CEP295: variants seen among roughly 807,000 people sequenced by gnomAD.
The protein encoded by CEP295 is centrosomal protein 295, also known as centrosomal protein of 295 kDa.
In CEP295, 190 loss-of-function variants were observed where a neutral mutation model predicts 291.6. That is an observed-to-expected ratio of 0.65 (90% CI 0.58 to 0.73). CEP295 has a LOEUF of 0.73. CEP295 is among the 30% of genes least tolerant of loss of function. The probability of loss-of-function intolerance (pLI) is 0.00; values close to 1 mark genes in which losing one functional copy is unlikely to be tolerated. For missense variants in CEP295, 2,863 were observed against 2,949.4 expected, an observed-to-expected ratio of 0.97 and a Z score of 0.68; for synonymous variants, 993 against 1,038.8, an observed-to-expected ratio of 0.96 and a Z score of 0.85.
rs1389057877 is a variant in CEP295, at chr11:93,702,922, A to G, written c.5596+3A>G. 11 of 1,524,358 alleles carry G rather than the reference A, an allele frequency of 7.2e-6. No homozygotes were observed. The highest frequency in any genetic ancestry group is 8.8e-6 in the Non-Finnish European group (10 of 1,138,306). 94.4% of individuals were successfully genotyped at this position (1,524,358 alleles called of 1,614,324 possible). On this transcript the variant is annotated splice_donor_region_variant and intron_variant, in intron 17 of 29. Coordinates refer to ENST00000325212, the MANE Select transcript of CEP295 (RefSeq NM_033395.2). ...AATTGGCAGAACTTCTATACTAGGT[A>G]AATAGATGCTTTGATAAAACAAGAT...
chr11:93,685,038 C>T (rs1951159703), intron 9 of CEP295, among the ~76,000 whole-genome samples: 1 of 152,214 alleles, frequency 6.6e-6, no homozygotes, highest in Non-Finnish European at 1.5e-5. Flanking sequence ...AATTTATGAT[C>T]TTCTCTTGCC....
intron 18 of CEP295, among the ~76,000 whole-genome samples, chr11:93,719,075 T>A (rs540408354): frequency 6.6e-6 from 1 of 150,874 alleles, no homozygotes; most frequent in East Asian, 2.0e-4. Context: ...GCCTCTGCAC[T>A]CCAGCCTGGG....
intron 18 of CEP295, among the ~76,000 whole-genome samples, chr11:93,715,895 C>T (rs962238375): frequency 3.3e-5 from 5 of 151,924 alleles, no homozygotes; most frequent in South Asian, 2.1e-4. Flanking sequence ...CCCTTCTCTC[C>T]GCAAGCAGAA....
rs1229334228 is a variant in CEP295, at chr11:93,724,390, A to C, written c.6318+15A>C. 2 of 1,545,410 alleles carry C rather than the reference A, an allele frequency of 1.3e-6. No homozygotes were observed. Among genetic ancestry groups the C allele is most frequent in the Non-Finnish European group, 1.8e-6 (2 of 1,142,768 alleles). Reference sequence around the variant, plus strand: ...ACTTTTACCAGGTATATTAAAGTAGATGTCCCATTGCAGTGAATATCTAAA... The same window carrying C: ...ACTTTTACCAGGTATATTAAAGTAGCTGTCCCATTGCAGTGAATATCTAAA... On this transcript the variant is annotated intron_variant, in intron 22 of 29. Coordinates refer to ENST00000325212, the MANE Select transcript of CEP295 (RefSeq NM_033395.2).
intron 18 of CEP295, among the ~76,000 whole-genome samples, chr11:93,715,718 G>A (rs535249852): frequency 1.3e-5 from 2 of 152,044 alleles, no homozygotes; most frequent in Admixed American, 6.5e-5. Context: ...GCCAGGACTG[G>A]GTCCTTCCCT....
At chr11:93,675,024 G>T (rs1950622311) in intron 5 of CEP295, among the ~76,000 whole-genome samples, 1 of 152,154 alleles carries the variant, frequency 6.6e-6, no homozygotes, top group African/African-American at 2.4e-5. Flanking sequence ...GAAAGGGAAG[G>T]GGGAAGGTAG....
intron 24 of CEP295, 44 bp from the exon 25 acceptor site, chr11:93,728,637 T>C (rs1385019481): frequency 4.0e-6 from 6 of 1,490,414 alleles, no homozygotes; most frequent in Admixed American, 5.3e-5. Context: ...TTAAGTCTTT[T>C]AAGGCTATTT....
At chr11:93,719,376 G>A (rs1487125388) in intron 18 of CEP295, among the ~76,000 whole-genome samples, 2 of 151,272 alleles carry the variant, frequency 1.3e-5, no homozygotes, top group African/African-American at 2.4e-5. Context: ...CAAACCATCC[G>A]ACTGCCTCAG....
At chr11:93,670,944 G>A (rs1227002686) in intron 5 of CEP295, among the ~76,000 whole-genome samples, 4 of 152,094 alleles carry the variant, frequency 2.6e-5, no homozygotes, top group African/African-American at 7.2e-5. Context: ...GTGCAGTGGT[G>A]CAATCTTGGC....
At chr11:93,719,994 T>A (rs1953575793) in intron 18 of CEP295, among the ~76,000 whole-genome samples, 1 of 151,354 alleles carries the variant, frequency 6.6e-6, no homozygotes, top group Non-Finnish European at 1.5e-5. Flanking sequence ...TTTTAATATC[T>A]CAAATATAAT....
chr11:93,662,894 C>T (rs1312129074), intron 1 of CEP295, among the ~76,000 whole-genome samples: 1 of 152,210 alleles, frequency 6.6e-6, no homozygotes, highest in East Asian at 1.9e-4. Flanking sequence ...TCATTTACCT[C>T]TTGATAACAA....
At chr11:93,726,868 A>G (rs1954183684) in intron 23 of CEP295, 108 bp from the exon 24 acceptor site, 3 of 843,934 alleles carry the variant, frequency 3.6e-6, no homozygotes, top group Non-Finnish European at 3.6e-6. Context: ...TTTTATGCCT[A>G]AAATTGTAGG....
At chr11:93,707,006 T>A in intron 18 of CEP295, 109 bp downstream of exon 18, 2 of 905,764 alleles carry the variant, frequency 2.2e-6, no homozygotes, top group Non-Finnish European at 1.6e-6. Context: ...ACTTAGTTAC[T>A]GCTGTTAATG....
At position 93,695,567 on chromosome 11, in the gene CEP295, G is replaced by T. The variant is rs368760569; in HGVS notation, c.1604G>T (p.Arg535Ile). ...LLEQIEQQKL[R>I]LETDCFRAQL... is the part of the protein sequence containing the mutation. ...GAACAAATTGAACAGCAGAAATTAA[G>T]ATTAGAAACTGACTGCTTCAGGGCT... is the stretch of plus-strand genomic sequence containing the variant. Residue 535 changes from arginine (R) to isoleucine (I), a missense_variant, in exon 13 of 30, where the codon AGA becomes ATA. Physicochemically the swap from Arg to Ile is moderately conservative, Grantham distance 97. Transcript: ENST00000325212. The T allele has an allele frequency of 2.7e-6, 4 of 1,489,650 alleles. No individual in the cohort carries two copies. The highest frequency in any genetic ancestry group is 3.5e-6 in the Non-Finnish European group (4 of 1,127,620). The allele number at this position is 1,489,650 out of a possible 1,614,324, so 92.3% of individuals were successfully genotyped here. A position where few individuals can be genotyped will look rare whatever the true frequency, so the allele number is the denominator to read the frequency against.
chr11:93,704,443 G>A (rs1163624000), intron 17 of CEP295, among the ~76,000 whole-genome samples: 1 of 152,090 alleles, frequency 6.6e-6, no homozygotes, highest in African/African-American at 2.4e-5. Context: ...ACCCCCTCTG[G>A]TGGCGCTTGC....
At chr11:93,685,750 GC>G (rs1427702498) in intron 9 of CEP295, among the ~76,000 whole-genome samples, 1 of 151,958 alleles carries the variant, frequency 6.6e-6, no homozygotes, top group Non-Finnish European at 1.5e-5. Flanking sequence ...TTGCTCTGTT[GC>G]CCAGGCTGGA....
At chr11:93,663,959 T>C (rs1304559709) in intron 1 of CEP295, among the ~76,000 whole-genome samples, 1 of 152,186 alleles carries the variant, frequency 6.6e-6, no homozygotes, top group Non-Finnish European at 1.5e-5. Flanking sequence ...CCCAGCAAGC[T>C]TCTTTGTGCC....
chr11:93,719,103 C>T (rs1265250500), intron 18 of CEP295, among the ~76,000 whole-genome samples: 2 of 26,500 alleles, frequency 7.5e-5, no homozygotes, highest in Non-Finnish European at 4.9e-4. Flanking sequence ...GAGACTCCGT[C>T]TCAAAAAAAA....
At position 93,729,763 on chromosome 11, in the gene CEP295, A is replaced by AGGGCCC. The variant is rs1491516308; in HGVS notation, c.7549_7550insGGGCCC (p.Lys2517delinsArgAlaGln). 6.5e-7 allele frequency: 1 copy of AGGGCCC among 1,546,336 alleles called. No homozygotes were observed. The highest frequency in any genetic ancestry group is 8.7e-7 in the Non-Finnish European group (1 of 1,144,096). On this transcript the variant is annotated protein_altering_variant, in exon 27 of 30. Transcript: ENST00000325212. ...TGAAAATTCTCAAATCAAAACAGTT[A>AGGGCCC]AAGAGAAACCATCTATAAGTATGTT...
Sources: allele counts gnomAD v4.1 joint callset (sites outside exome capture counted in the v4.1 genomes callset), GRCh38; gene constraint gnomAD v4.1.1; transcripts MANE v1.5; gene names NCBI Gene and HGNC (gene_info 2026-07-23, HGNC 2026-07-21).